Variants in UNC13C observed in about 807,000 individuals in gnomAD.
UNC13C encodes the protein unc-13 homolog C.
Under a neutral mutation model 245.4 loss-of-function variants are expected in UNC13C, and 174 were observed. The observed-to-expected ratio is 0.71, with a 90% CI of 0.63 to 0.80. The LOEUF (loss-of-function observed/expected upper bound fraction) is 0.80. Among genes scored for constraint, UNC13C ranks in the 30% least tolerant of loss-of-function variants. The pLI is 0.00. For synonymous variants in UNC13C, 992 were observed against 895.1 expected (o/e 1.11, Z -1.93); for missense variants, 2,829 against 2,602.9 (o/e 1.09, Z -1.89).
chr15:54,024,775 C>T (rs758073976), intron 2 of UNC13C, among the ~76,000 whole-genome samples: 8 of 152,104 alleles, frequency 5.3e-5, no homozygotes, highest in Admixed American at 1.3e-4. Context: ...ATTAGCCGGG[C>T]GTGGTCCCGG....
intron 17 of UNC13C, among the ~76,000 whole-genome samples, chr15:54,368,684 T>G (rs529838249): frequency 1.0e-3 from 156 of 152,122 alleles, no homozygotes; most frequent in Non-Finnish European, 1.8e-3. Context: ...TAAGTGCTGT[T>G]TAATGAGTAT....
chr15:54,082,209 TTA>T (rs1898981315), intron 2 of UNC13C, among the ~76,000 whole-genome samples: 1 of 151,912 alleles, frequency 6.6e-6, no homozygotes, highest in Non-Finnish European at 1.5e-5. Flanking sequence ...GTTGTTTTCA[TTA>T]GCATTGACCT....
rs759906347 is a variant in UNC13C, at chr15:54,626,779, T to G, written c.6360-49T>G. On this transcript the variant is annotated intron_variant, in intron 32 of 32. Coordinates refer to ENST00000260323, the MANE Select transcript of UNC13C (RefSeq NM_001080534.3). Reference sequence around the variant, plus strand: ...AGTATTTGAGAACCATAATGATGCCTAGTGGAAGTAAAGTTTTTGCTCAAA... The same window carrying G: ...AGTATTTGAGAACCATAATGATGCCGAGTGGAAGTAAAGTTTTTGCTCAAA... 6.6e-6 allele frequency: 10 copies of G among 1,521,096 alleles called. No homozygotes were observed. The South Asian group carries it at 1.2e-4, about 19-fold the overall frequency. The allele number at this position is 1,521,096 out of a possible 1,614,324, so 94.2% of individuals were successfully genotyped here.
rs571535920 is a variant in UNC13C at position 54,094,636 on chromosome 15, T to A, written c.2984-48382T>A. On this transcript the variant is annotated intron_variant, in intron 2 of 32. Transcript: ENST00000260323. ...GACAACTTGAGCAGATCCCACTGAC[T>A]TTTATTCTCAGATAGCAAAAATGTC... Among the ~76,000 whole-genome samples, 8 of 152,310 alleles carry A rather than the reference T, an allele frequency of 5.3e-5. No homozygotes were observed. The East Asian group carries it at 1.4e-3, about 26-fold the overall frequency.
At chr15:53,845,869 C>G in the UNC13C span, among the ~76,000 whole-genome samples, 1 of 152,072 alleles carries the variant, frequency 6.6e-6, no homozygotes, top group Non-Finnish European at 1.5e-5. Context: ...GGGGCAAAAT[C>G]CTAGCATAAA....
intron 26 of UNC13C, among the ~76,000 whole-genome samples, chr15:54,537,294 A>G (rs1390644825): frequency 1.3e-5 from 2 of 152,064 alleles, no homozygotes; most frequent in Non-Finnish European, 2.9e-5. Context: ...AAAGATCTCT[A>G]GAACAAGAAT....
the UNC13C span, among the ~76,000 whole-genome samples, chr15:53,918,477 A>T: frequency 6.6e-6 from 1 of 152,194 alleles, no homozygotes; most frequent in Non-Finnish European, 1.5e-5. Context: ...CATAGTTTAC[A>T]AAGTCTCCCA....
intron 2 of UNC13C, among the ~76,000 whole-genome samples, chr15:54,057,002 A>G (rs931228090): frequency 2.0e-5 from 3 of 152,192 alleles, no homozygotes; most frequent in African/African-American, 7.2e-5. Flanking sequence ...GCCACTGCCA[A>G]AACATGCCAA....
At chr15:53,880,542 A>G in the UNC13C span, among the ~76,000 whole-genome samples, 1 of 152,186 alleles carries the variant, frequency 6.6e-6, no homozygotes, top group Non-Finnish European at 1.5e-5. Flanking sequence ...TTCAGCTTCA[A>G]GAAGCTTCCT....
At chr15:54,603,344 A>C (rs1041863584) in intron 30 of UNC13C, among the ~76,000 whole-genome samples, 10 of 152,152 alleles carry the variant, frequency 6.6e-5, no homozygotes, top group African/African-American at 1.4e-4. Flanking sequence ...TGATGAGAAA[A>C]ACACTTGACA....
At chr15:54,458,726 A>C (rs1370054080) in intron 19 of UNC13C, among the ~76,000 whole-genome samples, 1 of 106,186 alleles carries the variant, frequency 9.4e-6, no homozygotes, top group Non-Finnish European at 1.8e-5. Context: ...ACTCCTGCTC[A>C]CTTTTGGATT....
At chr15:54,204,274 A>G (rs1214258585) in intron 4 of UNC13C, among the ~76,000 whole-genome samples, 2 of 149,796 alleles carry the variant, frequency 1.3e-5, no homozygotes, top group Non-Finnish European at 3.0e-5. Flanking sequence ...ACTTGTTCCC[A>G]AAAACCTATT....
rs759479275 is a variant in UNC13C at position 54,015,486 on chromosome 15, A to G, written c.2583A>G (p.Ala861=). 62 of 1,613,012 alleles carry G rather than the reference A, an allele frequency of 3.8e-5. No homozygotes were observed. Among genetic ancestry groups the G allele is most frequent in the Non-Finnish European group, 5.2e-5 (61 of 1,179,266 alleles). ...DVYTEPYYYK[A]EDEEDYTEPV... is the part of the protein sequence containing the mutation. ...ACACGGAGCCCTATTACTATAAAGCAGAGGATGAGGAAGATTATACTGAAC... is the reference window on the plus strand; with the variant it reads ...ACACGGAGCCCTATTACTATAAAGCGGAGGATGAGGAAGATTATACTGAAC... Residue 861 remains alanine, a synonymous_variant, in exon 2 of 33, where the codon GCA becomes GCG. Coordinates refer to ENST00000260323, the MANE Select transcript of UNC13C (RefSeq NM_001080534.3).
At chr15:54,342,899 G>C (rs574378466) in intron 17 of UNC13C, among the ~76,000 whole-genome samples, 1 of 152,106 alleles carries the variant, frequency 6.6e-6, no homozygotes, top group Non-Finnish European at 1.5e-5. Flanking sequence ...TATCAACTCT[G>C]TTAGATATGC....
chr15:53,976,381 C>T (rs949836835), upstream of UNC13C, among the ~76,000 whole-genome samples: 1 of 150,910 alleles, frequency 6.6e-6, no homozygotes, highest in African/African-American at 2.4e-5. Context: ...TTCATTTCCT[C>T]TACGAGAATA....
At chr15:54,008,727 G>A (rs1350924927) in intron 1 of UNC13C, among the ~76,000 whole-genome samples, 1 of 152,128 alleles carries the variant, frequency 6.6e-6, no homozygotes, top group Non-Finnish European at 1.5e-5. Context: ...AGAGGAGTAG[G>A]TATGTGGGTT....
At chr15:54,060,929 G>A (rs879024838) in intron 2 of UNC13C, among the ~76,000 whole-genome samples, 1 of 151,980 alleles carries the variant, frequency 6.6e-6, no homozygotes, top group African/African-American at 2.4e-5. Flanking sequence ...AGAACACATG[G>A]ACACAGGAAG....
chr15:54,219,642 T>C (rs1201393983), intron 4 of UNC13C, among the ~76,000 whole-genome samples: 5 of 150,992 alleles, frequency 3.3e-5, no homozygotes, highest in African/African-American at 4.9e-5. Flanking sequence ...CAAAAGAAAC[T>C]ACCATCAGAG....
intron 11 of UNC13C, among the ~76,000 whole-genome samples, chr15:54,294,342 A>G (rs1050081368): frequency 1.3e-5 from 2 of 152,162 alleles, no homozygotes; most frequent in African/African-American, 4.8e-5. Context: ...TTTTTAATGT[A>G]TGAAATACAG....
Sources: gnomAD v4.1 joint callset for allele counts (sites outside exome capture counted in the v4.1 genomes callset) on GRCh38, gnomAD v4.1.1 for gene constraint, MANE v1.5 for transcripts, NCBI Gene and HGNC (gene_info 2026-07-23, HGNC 2026-07-21) for gene names.